IL7: variants seen among roughly 807,000 people sequenced by gnomAD.
IL7 encodes interleukin-7.
In IL7, 3 loss-of-function variants were observed where a neutral mutation model predicts 21.6. The ratio of observed to expected loss-of-function variants is 0.14; its 90% CI spans 0.06 to 0.36. The LOEUF (loss-of-function observed/expected upper bound fraction) is 0.36, where lower values mean the gene tolerates loss of function less well. Among genes scored for constraint, IL7 ranks in the 10% least tolerant of loss-of-function variants. IL7 has a pLI of 1.00. For synonymous variants in IL7, 62 were observed against 68.1 expected, an observed-to-expected ratio of 0.91 and a Z score of 0.44; for missense variants, 175 against 200.2, an observed-to-expected ratio of 0.87 and a Z score of 0.76.
At chr8:78,695,126 C>T (rs1006029245) in intron 3 of IL7, among the ~76,000 whole-genome samples, 2 of 152,052 alleles carry the variant, frequency 1.3e-5, no homozygotes, top group East Asian at 3.8e-4. Context: ...TTTAAACAAG[C>T]AGTTTTCGGA....
chr8:78,770,900 C>G (rs1412768412), intron 2 of IL7, among the ~76,000 whole-genome samples: 1 of 151,954 alleles, frequency 6.6e-6, no homozygotes. Flanking sequence ...AGATAAACTC[C>G]TCTGAAAGCA....
intron 4 of IL7, chr8:78,721,327 T>A (rs1811234544): frequency 6.6e-6 from 1 of 151,944 alleles, no homozygotes; most frequent in African/African-American, 2.4e-5. Flanking sequence ...GAAACCAGAG[T>A]ATGAACAAGA....
At chr8:78,706,398 G>A (rs1810772155) in intron 3 of IL7, among the ~76,000 whole-genome samples, 1 of 152,162 alleles carries the variant, frequency 6.6e-6, no homozygotes, top group Non-Finnish European at 1.5e-5. Flanking sequence ...TGCCGGAGCA[G>A]CTGCTCTGCC....
At chr8:78,716,412 C>T (rs749503627), downstream of IL7, among the ~76,000 whole-genome samples, 21 of 152,142 alleles carry the variant, frequency 1.4e-4, no homozygotes, top group South Asian at 1.7e-3. Context: ...TGTGAGCCAC[C>T]GCACCCGGCC....
At chr8:78,761,955 C>A (rs1218981697) in intron 2 of IL7, 5 of 1,610,200 alleles carry the variant, frequency 3.1e-6, no homozygotes, top group Non-Finnish European at 3.4e-6. Context: ...TCCTTCTCTT[C>A]AAGGGTTAGA....
intron 4 of IL7, among the ~76,000 whole-genome samples, chr8:78,684,374 C>A (rs1210349022): frequency 6.6e-6 from 1 of 152,156 alleles, no homozygotes; most frequent in African/African-American, 2.4e-5. Flanking sequence ...TGCAGGGGAA[C>A]TGCCCTTTGT....
intron 3 of IL7, among the ~76,000 whole-genome samples, chr8:78,726,955 A>T (rs1430777013): frequency 6.6e-6 from 1 of 151,972 alleles, no homozygotes; most frequent in Non-Finnish European, 1.5e-5. Flanking sequence ...TAGAACTTTC[A>T]TATATAAGGG....
rs369415900 is a variant in IL7, at chr8:78,690,773, T to C, written n.215-4826A>G. Among the ~76,000 whole-genome samples, 272 of 152,268 alleles carry C rather than the reference T, an allele frequency of 1.8e-3. 1 individual carries two copies. Among genetic ancestry groups the C allele is most frequent in the African/African-American group, 6.2e-3 (258 of 41,564 alleles). On this transcript the variant is annotated intron_variant and non_coding_transcript_variant, in intron 3 of 4. Coordinates refer to the IL7 transcript ENST00000523959. ...GATCATTTAGGTTTTATTTTAGCAG[T>C]GTTTTGTAGTGTATATTATATAGGT...
intron 2 of IL7, among the ~76,000 whole-genome samples, chr8:78,751,125 A>G (rs192956663): frequency 6.3e-4 from 95 of 151,846 alleles, no homozygotes; most frequent in Admixed American, 2.8e-3. Flanking sequence ...AGAACAGAAT[A>G]TCTAAGAACT....
At chr8:78,701,916 G>C (rs970609068) in intron 3 of IL7, among the ~76,000 whole-genome samples, 6 of 151,884 alleles carry the variant, frequency 4.0e-5, no homozygotes, top group African/African-American at 1.4e-4. Flanking sequence ...GTTTATCAAG[G>C]TTATTGGCCT....
intron 3 of IL7, among the ~76,000 whole-genome samples, chr8:78,708,961 C>T (rs906069532): frequency 1.3e-5 from 2 of 152,006 alleles, no homozygotes; most frequent in Non-Finnish European, 2.9e-5. Flanking sequence ...CCACCACGCC[C>T]GGCCAAAAGA....
chr8:78,790,431 G>T (rs1371139836), intron 2 of IL7, among the ~76,000 whole-genome samples: 1 of 151,780 alleles, frequency 6.6e-6, no homozygotes, highest in Non-Finnish European at 1.5e-5. Context: ...AAAAAAACAG[G>T]CTTCCTAGAT....
intron 1 of IL7, among the ~76,000 whole-genome samples, chr8:78,803,636 T>C (rs552776838): frequency 1.1e-4 from 17 of 152,206 alleles, no homozygotes; most frequent in Non-Finnish European, 2.1e-4. Flanking sequence ...AGCTTCCTTT[T>C]CTCAGTTTAC....
intron 2 of IL7, among the ~76,000 whole-genome samples, chr8:78,793,648 T>G (rs1040041364): frequency 1.3e-5 from 2 of 152,102 alleles, no homozygotes; most frequent in Non-Finnish European, 2.9e-5. Flanking sequence ...TGGTGGTTGC[T>G]GAAGGTTGGG....
In IL7 at chr8:78,804,898, G is replaced by A; in HGVS notation, c.10+15C>T. On this transcript the variant is annotated intron_variant, in intron 1 of 5. Transcript: ENST00000263851. Reference sequence around the variant, plus strand: ...CGGGCGCGCGAACTTGTGCGCAAGGGAGAAGAGCGCTTACCATGGAACATG... The same window carrying A: ...CGGGCGCGCGAACTTGTGCGCAAGGAAGAAGAGCGCTTACCATGGAACATG... 1.2e-6 allele frequency: 2 copies of A among 1,613,138 alleles called. No individual in the cohort carries two copies. The highest frequency in any genetic ancestry group is 1.7e-6 in the Non-Finnish European group (2 of 1,179,438).
chr8:78,735,994 G>A (rs2130671262), intron 5 of IL7, among the ~76,000 whole-genome samples: 1 of 150,760 alleles, frequency 6.6e-6, no homozygotes, highest in African/African-American at 2.4e-5. Context: ...ATGTCTAGTA[G>A]TATATGTATA....
intron 2 of IL7, among the ~76,000 whole-genome samples, chr8:78,758,704 A>C (rs945377208): frequency 2.6e-5 from 4 of 152,088 alleles, no homozygotes; most frequent in Non-Finnish European, 2.9e-5. Context: ...ATTTTTACTG[A>C]GTAATAGGCT....
chr8:78,685,228 A>T (rs1423994074), intron 4 of IL7, among the ~76,000 whole-genome samples: 1 of 145,406 alleles, frequency 6.9e-6, no homozygotes, highest in Non-Finnish European at 1.5e-5. Flanking sequence ...GGGGAGAGTC[A>T]CTAAAGGATA....
chr8:78,722,855 A>G (rs1313954628), intron 3 of IL7, among the ~76,000 whole-genome samples: 2 of 151,912 alleles, frequency 1.3e-5, no homozygotes, highest in Non-Finnish European at 2.9e-5. Context: ...AGTTTGATGC[A>G]TTGGAAACAA....
Sources: allele counts gnomAD v4.1 joint callset (sites outside exome capture counted in the v4.1 genomes callset), GRCh38; gene constraint gnomAD v4.1.1; transcripts MANE v1.5; gene names NCBI Gene and HGNC (gene_info 2026-07-23, HGNC 2026-07-21).